Variants in SCTR observed in about 807,000 individuals in gnomAD.
The protein encoded by SCTR is pancreatic secretin receptor.
In SCTR, 56 loss-of-function variants were observed where a neutral mutation model predicts 60.8. The observed-to-expected ratio is 0.92, with a 90% CI of 0.74 to 1.15. The LOEUF (loss-of-function observed/expected upper bound fraction) is 1.15, where lower values mean the gene tolerates loss of function less well. Ranked by LOEUF, SCTR falls within the 50% of genes most tolerant of loss-of-function variation. SCTR has a pLI of 0.00. For synonymous variants in SCTR, 202 were observed against 217.0 expected, an observed-to-expected ratio of 0.93 and a Z score of 0.61; for missense variants, 562 against 550.4, an observed-to-expected ratio of 1.02 and a Z score of -0.21.
intron 2 of SCTR, chr2:119,484,750 C>G (rs1193774960): frequency 1.3e-5 from 2 of 152,106 alleles, no homozygotes; most frequent in Non-Finnish European, 2.9e-5. Context: ...AGGAAAACTT[C>G]CTGGCTTAGG....
chr2:119,480,606 T>C (rs1334875486), intron 2 of SCTR: 1 of 152,266 alleles, frequency 6.6e-6, no homozygotes, highest in African/African-American at 2.4e-5. Context: ...TTAAACAAGC[T>C]GTTCGGCAGG....
intron 1 of SCTR, among the ~76,000 whole-genome samples, chr2:119,500,468 A>C (rs1000165717): frequency 2.0e-5 from 3 of 152,246 alleles, no homozygotes; most frequent in Admixed American, 2.0e-4. Context: ...TATGGAATCA[A>C]CCTAAGTACC....
intron 2 of SCTR, among the ~76,000 whole-genome samples, chr2:119,492,720 C>T (rs1678182531): frequency 6.6e-6 from 1 of 152,156 alleles, no homozygotes; most frequent in Non-Finnish European, 1.5e-5. Flanking sequence ...TCCCATTGTT[C>T]CTTCCTTCAG....
intron 9 of SCTR, among the ~76,000 whole-genome samples, chr2:119,449,003 G>A (rs971160671): frequency 1.3e-5 from 2 of 152,180 alleles, no homozygotes; most frequent in African/African-American, 4.8e-5. Context: ...CTGCCCCTGG[G>A]CTGCAGAAGC....
At chr2:119,515,380 T>C (rs1407804041) in intron 1 of SCTR, among the ~76,000 whole-genome samples, 2 of 152,226 alleles carry the variant, frequency 1.3e-5, no homozygotes, top group African/African-American at 2.4e-5. Flanking sequence ...TACTTTTCAG[T>C]GTCAACTTGA....
intron 1 of SCTR, among the ~76,000 whole-genome samples, chr2:119,496,436 T>C (rs1019348456): frequency 1.3e-5 from 2 of 152,212 alleles, no homozygotes; most frequent in Non-Finnish European, 2.9e-5. Flanking sequence ...CAGCTTTATA[T>C]ATAATATAGA....
chr2:119,514,706 T>C (rs1395258813), intron 1 of SCTR, among the ~76,000 whole-genome samples: 1 of 151,924 alleles, frequency 6.6e-6, no homozygotes, highest in Non-Finnish European at 1.5e-5. Flanking sequence ...AGAAACCCCG[T>C]CTCTACTAAA....
intron 2 of SCTR, among the ~76,000 whole-genome samples, chr2:119,493,011 C>T (rs544281355): frequency 2.0e-5 from 3 of 152,198 alleles, no homozygotes; most frequent in South Asian, 2.1e-4. Context: ...GTGCCCACCA[C>T]CATGCTGGCT....
At chr2:119,458,846 G>A (rs944827357) in intron 7 of SCTR, among the ~76,000 whole-genome samples, 4 of 152,174 alleles carry the variant, frequency 2.6e-5, no homozygotes, top group East Asian at 1.9e-4. Context: ...GTCTCTGGGC[G>A]GGGAGTGCAG....
chr2:119,518,807 T>C (rs1317569858), intron 1 of SCTR, among the ~76,000 whole-genome samples: 3 of 152,006 alleles, frequency 2.0e-5, no homozygotes, highest in Non-Finnish European at 2.9e-5. Context: ...AGATATTAAA[T>C]CTAGGCTTTC....
At chr2:119,515,969 A>C (rs1223679911) in intron 1 of SCTR, among the ~76,000 whole-genome samples, 1 of 152,202 alleles carries the variant, frequency 6.6e-6, no homozygotes, top group Non-Finnish European at 1.5e-5. Flanking sequence ...GGTAAATGAA[A>C]AGCTGCTCAA....
intron 3 of SCTR, among the ~76,000 whole-genome samples, chr2:119,478,230 G>A (rs1167483915): frequency 1.3e-5 from 2 of 152,188 alleles, no homozygotes; most frequent in Non-Finnish European, 1.5e-5. Context: ...GGTTTATGAT[G>A]AATAAATGAG....
chr2:119,440,168 C>G lies in SCTR; in HGVS notation c.1272G>C (p.Lys424Asn), dbSNP rs758416938. 1 of 1,614,072 alleles carries G rather than the reference C, an allele frequency of 6.2e-7. No homozygotes were observed. Among genetic ancestry groups the G allele is most frequent in the Non-Finnish European group, 8.5e-7 (1 of 1,180,010 alleles). The change falls in exon 13 of 13, where the codon AAG becomes AAC. Residue 424 changes from lysine (K) to asparagine (N), a missense_variant. Coordinates refer to ENST00000019103, the MANE Select transcript of SCTR (RefSeq NM_002980.3). ...HPVASFSNST[K>N]ASHLEQSQGT... ...CCTGGCTCTGCTCCAAGTGGCTGGC[C>G]TTGGTGCTGTTGCTGAAGGAGGCCA...
At chr2:119,453,382 A>G (rs1683248996) in intron 7 of SCTR, 35 bp from the exon 8 acceptor site, 1 of 1,548,868 alleles carries the variant, frequency 6.5e-7, no homozygotes, top group Non-Finnish European at 8.9e-7. Context: ...GGCAGAAGAG[A>G]GAGGACTCAA....
chr2:119,485,004 C>T (rs1165616814), intron 2 of SCTR, among the ~76,000 whole-genome samples: 4 of 152,178 alleles, frequency 2.6e-5, no homozygotes, highest in African/African-American at 9.7e-5. Context: ...CACACACAGC[C>T]TTGCCGAGCC....
At chr2:119,481,932 C>A (rs982954964) in intron 2 of SCTR, among the ~76,000 whole-genome samples, 3 of 152,170 alleles carry the variant, frequency 2.0e-5, no homozygotes, top group Non-Finnish European at 2.9e-5. Flanking sequence ...GGGGAGGAGC[C>A]CTGTGCGTCC....
intron 2 of SCTR, chr2:119,479,321 G>T: frequency 1.0e-6 from 1 of 990,094 alleles, no homozygotes; most frequent in Non-Finnish European, 1.2e-6. Flanking sequence ...GACTACCTGG[G>T]GAGCTTTAGA....
intron 3 of SCTR, among the ~76,000 whole-genome samples, chr2:119,474,925 C>T (rs180895040): frequency 2.6e-5 from 4 of 152,346 alleles, no homozygotes; most frequent in Admixed American, 6.5e-5. Context: ...TTAGAAGCAG[C>T]CAGATCTGAG....
intron 3 of SCTR, among the ~76,000 whole-genome samples, chr2:119,478,571 A>G (rs1329477067): frequency 6.6e-6 from 1 of 152,166 alleles, no homozygotes; most frequent in Non-Finnish European, 1.5e-5. Flanking sequence ...AAGCAGGCCC[A>G]GCCTCCCTTA....
Sources: gnomAD v4.1 joint callset for allele counts (sites outside exome capture counted in the v4.1 genomes callset) on GRCh38, gnomAD v4.1.1 for gene constraint, MANE v1.5 for transcripts, NCBI Gene and HGNC (gene_info 2026-07-23, HGNC 2026-07-21) for gene names.